LANCL2: variants seen among roughly 807,000 people sequenced by gnomAD.
The protein encoded by LANCL2 is lanC-like protein 2.
In LANCL2, 33 loss-of-function variants were observed where a neutral mutation model predicts 56.9. That is an observed-to-expected ratio of 0.58 (90% CI 0.44 to 0.78). The LOEUF (loss-of-function observed/expected upper bound fraction) is 0.78. LANCL2 is among the 30% of genes least tolerant of loss of function. The pLI is 0.00. For synonymous variants in LANCL2, 233 were observed against 228.2 expected, an observed-to-expected ratio of 1.02 and a Z score of -0.19; for missense variants, 562 against 580.2, an observed-to-expected ratio of 0.97 and a Z score of 0.32.
chr7:55,426,730 T>C (rs1490722408), intron 7 of LANCL2, among the ~76,000 whole-genome samples: 1 of 152,186 alleles, frequency 6.6e-6, no homozygotes, highest in Non-Finnish European at 1.5e-5. Context: ...GAGAAGAAAC[T>C]GCTGTTCCAA....
intron 6 of LANCL2, among the ~76,000 whole-genome samples, chr7:55,424,985 C>G (rs947652032): frequency 6.6e-6 from 1 of 152,220 alleles, no homozygotes; most frequent in East Asian, 1.9e-4. Flanking sequence ...AACCATCCCC[C>G]ACTCACCTTC....
At chr7:55,393,496 A>G (rs1304482550) in intron 2 of LANCL2, among the ~76,000 whole-genome samples, 4 of 152,226 alleles carry the variant, frequency 2.6e-5, no homozygotes, top group South Asian at 4.1e-4. Context: ...ACATCATTAC[A>G]CTCCAGTCTG....
intron 2 of LANCL2, chr7:55,394,242 C>T (rs1790224321): frequency 1.3e-5 from 2 of 152,156 alleles, no homozygotes; most frequent in South Asian, 2.1e-4. Context: ...GTATGGAATC[C>T]ACCTAGATCC....
chr7:55,402,595 C>CA lies in LANCL2; in HGVS notation c.825+1275_825+1276insA, dbSNP rs1554382723. Among the ~76,000 whole-genome samples the CA allele has an allele frequency of 2.6e-4, 26 of 101,540 alleles. 1 individual carries two copies. The highest frequency in any genetic ancestry group is 8.5e-4 in the African/African-American group (20 of 23,638). The allele number at this position is 101,540 out of a possible 152,430, so 66.6% of individuals were successfully genotyped here. On this transcript the variant is annotated intron_variant, in intron 5 of 8. Coordinates refer to ENST00000254770, the MANE Select transcript of LANCL2 (RefSeq NM_018697.4). ...TTCCCGGACGGGGCGGCTGGCCAGG[C>CA]GGGGGATGACCCCCCCACCTCCCTC...
At position 55,366,174 on chromosome 7, in the gene LANCL2, T is replaced by C. The variant is rs1404584418; in HGVS notation, c.149T>C (p.Val50Ala). Reference sequence around the variant, plus strand: ...GGAGCGGCCGAAGAGACAGGCTGTGTTCGTCCCCCGGCGACCACGGATGAG... The same window carrying C: ...GGAGCGGCCGAAGAGACAGGCTGTGCTCGTCCCCCGGCGACCACGGATGAG... ...ASGAAEETGC[V>A]RPPATTDEPG... The change falls in exon 1 of 9, where the codon GTT becomes GCT. Residue 50 changes from valine to alanine, a missense_variant. Around this residue, in one of 2 missense-constraint regions of LANCL2, gnomAD observed 184 missense variants for 111.8 expected, o/e 1.65. Coordinates refer to ENST00000254770, the MANE Select transcript of LANCL2 (RefSeq NM_018697.4). The C allele has an allele frequency of 1.9e-6, 3 of 1,558,672 alleles. No individual in the cohort carries two copies. Among genetic ancestry groups the C allele is most frequent in the Non-Finnish European group, 2.6e-6 (3 of 1,150,848 alleles).
intron 5 of LANCL2, among the ~76,000 whole-genome samples, chr7:55,405,489 A>AC (rs1287132288): frequency 2.1e-5 from 3 of 143,606 alleles, no homozygotes; most frequent in Non-Finnish European, 4.5e-5. Flanking sequence ...TGGTTCAGGA[A>AC]CTTTTTTTTT....
At chr7:55,424,782 T>C (rs1790645002) in intron 6 of LANCL2, among the ~76,000 whole-genome samples, 1 of 152,212 alleles carries the variant, frequency 6.6e-6, no homozygotes, top group African/African-American at 2.4e-5. Flanking sequence ...AAGCTTCAAC[T>C]GTATTTACAG....
intron 6 of LANCL2, among the ~76,000 whole-genome samples, chr7:55,413,450 T>C (rs1316108195): frequency 6.6e-6 from 1 of 152,226 alleles, no homozygotes; most frequent in African/African-American, 2.4e-5. Flanking sequence ...CGGTGGCTGA[T>C]CTCTGCTGCC....
intron 1 of LANCL2, among the ~76,000 whole-genome samples, chr7:55,380,295 G>T (rs12216683): frequency 0.3 from 45,653 of 151,990 alleles, 7,291 homozygotes; most frequent in Non-Finnish European, 0.35. Flanking sequence ...AAATAGATTT[G>T]CCCATCTCTG....
rs774798147 is a variant in LANCL2 at position 55,425,302 on chromosome 7, G to A, written c.1057G>A (p.Val353Met). The change falls in exon 7 of 9, where the codon GTG (valine) becomes ATG (methionine). Residue 353 changes from valine (V) to methionine (M), a missense_variant. By Grantham distance (21) the Val-to-Met change is conservative. This residue lies in a region of LANCL2 where 378 missense variants were observed against 468.4 expected (regional missense o/e 0.81). Transcript: ENST00000254770. ...YLKEAMECSD[V>M]IWQRGLLRKG... ...GAAAGAGGCCATGGAGTGTAGCGAT[G>A]TGATTTGGCAGCGAGGTTTGCTGCG... 2 of 1,614,218 alleles carry A rather than the reference G, an allele frequency of 1.2e-6. No individual in the cohort carries two copies. Among genetic ancestry groups the A allele is most frequent in the Non-Finnish European group, 1.7e-6 (2 of 1,180,032 alleles).
In LANCL2 at chr7:55,431,628, C is replaced by T. The variant is rs993325863; in HGVS notation, c.*308C>T. The stretch of plus-strand genomic sequence containing the variant: ...TCTATTCCTGAGGGCTCAGAGCTGA[C>T]CATGCATGAATGTATGGCAGTGTCC... On this transcript the variant is annotated 3_prime_UTR_variant, in exon 9 of 9. Transcript: ENST00000254770. 8 of 290,914 alleles carry T rather than the reference C, an allele frequency of 2.7e-5. No individual in the cohort carries two copies. In the Admixed American group the frequency reaches 3.9e-4, roughly 14 times the overall value. The allele number at this position is 290,914 out of a possible 1,614,324, so 18.0% of individuals were successfully genotyped here.
intron 1 of LANCL2, among the ~76,000 whole-genome samples, chr7:55,373,201 C>G (rs1350036888): frequency 6.8e-6 from 1 of 146,942 alleles, no homozygotes; most frequent in Non-Finnish European, 1.5e-5. Context: ...CTTTTTCCCA[C>G]TTAACTTTAC....
At chr7:55,427,308 A>G (rs1384931850) in intron 7 of LANCL2, among the ~76,000 whole-genome samples, 1 of 152,224 alleles carries the variant, frequency 6.6e-6, no homozygotes, top group Non-Finnish European at 1.5e-5. Flanking sequence ...ATAATCAGCT[A>G]GCACTGGATA....
chr7:55,414,250 C>T (rs1427817951), intron 6 of LANCL2, among the ~76,000 whole-genome samples: 1 of 151,842 alleles, frequency 6.6e-6, no homozygotes, highest in African/African-American at 2.4e-5. Flanking sequence ...GAGCAGAGGG[C>T]GAGGTTTGTG....
chr7:55,390,076 A>C (rs1413854737), intron 1 of LANCL2, among the ~76,000 whole-genome samples: 1 of 152,212 alleles, frequency 6.6e-6, no homozygotes, highest in East Asian at 1.9e-4. Flanking sequence ...TTGCCCTCAA[A>C]GCCCTAATTG....
rs1248538958 is a variant in LANCL2 at position 55,433,184 on chromosome 7, T to G, written c.*1864T>G. 1.3e-5 allele frequency: 2 copies of G among 152,252 alleles called. No homozygotes were observed. Among genetic ancestry groups the G allele is most frequent in the East Asian group, 3.8e-4 (2 of 5,202 alleles). The allele number at this position is 152,252 out of a possible 1,614,324, so 9.4% of individuals were successfully genotyped here. Reference sequence around the variant, plus strand: ...CGAGGAGGCAGCGGGTGCAGCCAGGTGTCTGCAGAGCAGCCACAAAGGTGG... The same window carrying G: ...CGAGGAGGCAGCGGGTGCAGCCAGGGGTCTGCAGAGCAGCCACAAAGGTGG... On this transcript the variant is annotated 3_prime_UTR_variant, in exon 9 of 9. Transcript: ENST00000254770.
Position 55,432,639 on chromosome 7 carries a change from T to C in LANCL2, c.*1319T>C, listed in dbSNP as rs1790742930. The C allele has an allele frequency of 1.3e-5, 2 of 149,306 alleles. No homozygotes were observed. Among genetic ancestry groups the C allele is most frequent in the African/African-American group, 2.6e-5 (1 of 38,634 alleles). The allele number at this position is 149,306 out of a possible 1,614,324, so 9.2% of individuals were successfully genotyped here. On this transcript the variant is annotated 3_prime_UTR_variant, in exon 9 of 9. Coordinates refer to ENST00000254770, the MANE Select transcript of LANCL2 (RefSeq NM_018697.4). Reference sequence around the variant, plus strand: ...TTGTCTGCAGGGGGAGGCCTGAGCATTTCCCAGCCCCAGTGTCCACACCTC... The same window carrying C: ...TTGTCTGCAGGGGGAGGCCTGAGCACTTCCCAGCCCCAGTGTCCACACCTC...
At position 55,373,461 on chromosome 7, in the gene LANCL2, T is replaced by A. The variant is rs186432872; in HGVS notation, c.204+7232T>A. 2.6e-3 allele frequency among the ~76,000 whole-genome samples: 395 copies of A among 151,958 alleles called. 2 individuals carry two copies. The highest frequency in any genetic ancestry group is 9.3e-3 in the African/African-American group (386 of 41,426). On this transcript the variant is annotated intron_variant, in intron 1 of 8. Transcript: ENST00000254770. ...GTACTCCACCACACCCAGCTAATTT[T>A]TAAATTTTTTGTGTGTGGAGATGGG...
chr7:55,391,013 A>G (rs1380199139), intron 1 of LANCL2, among the ~76,000 whole-genome samples: 1 of 137,078 alleles, frequency 7.3e-6, no homozygotes, highest in East Asian at 2.0e-4. Flanking sequence ...GAGTGATTGA[A>G]CTTTTTTTTT....
Sources: gnomAD v4.1 joint callset for allele counts (sites outside exome capture counted in the v4.1 genomes callset) on GRCh38, gnomAD v4.1.1 for gene constraint, gnomAD v4.1.1 regional missense constraint, MANE v1.5 for transcripts, NCBI Gene and HGNC (gene_info 2026-07-23, HGNC 2026-07-21) for gene names.